The following CACYBP variants were observed in gnomAD, a reference collection of about 807,000 sequenced individuals.
CACYBP encodes the protein calcyclin binding protein.
A neutral mutation model predicts 29.6 loss-of-function variants in CACYBP; 11 were observed. The ratio of observed to expected loss-of-function variants is 0.37; its 90% CI spans 0.23 to 0.61. The LOEUF is 0.61. CACYBP is among the 20% of genes least tolerant of loss of function. CACYBP has a pLI of 0.65. For missense variants in CACYBP, 163 were observed against 260.7 expected (o/e 0.63, Z 2.58); for synonymous variants, 73 against 88.3 (o/e 0.83, Z 0.97).
At chr1:175,004,553 C>A in intron 1 of CACYBP, 61 bp from the exon 2 acceptor site, 2 of 988,454 alleles carry the variant, frequency 2.0e-6, no homozygotes, top group Non-Finnish European at 3.0e-6. Context: ...ATGAGTGATA[C>A]GCACAATATC....
intron 1 of CACYBP, among the ~76,000 whole-genome samples, chr1:175,003,327 C>G (rs1398070347): frequency 6.6e-6 from 1 of 152,104 alleles, no homozygotes; most frequent in Non-Finnish European, 1.5e-5. Flanking sequence ...CCGTGTTGGT[C>G]ATGTTGGTCT....
At chr1:175,008,803 C>A in intron 5 of CACYBP, 97 bp downstream of exon 5, 2 of 707,380 alleles carry the variant, frequency 2.8e-6, no homozygotes, top group South Asian at 1.6e-5. Flanking sequence ...TTTCTGCTTT[C>A]AACTGTCAAA....
upstream of CACYBP, chr1:174,999,513 T>C (rs1183721222): frequency 3.2e-5 from 5 of 156,990 alleles, no homozygotes; most frequent in Non-Finnish European, 2.8e-5. Context: ...ACGCTTAACA[T>C]ATCCGTTCTT....
chr1:175,006,168 G>A (rs895844269), intron 2 of CACYBP, among the ~76,000 whole-genome samples: 1 of 152,154 alleles, frequency 6.6e-6, no homozygotes, highest in Non-Finnish European at 1.5e-5. Context: ...GGTCAGAGAC[G>A]TGCTGGTAGT....
intron 2 of CACYBP, among the ~76,000 whole-genome samples, chr1:175,005,961 G>A (rs1361680432): frequency 6.6e-6 from 1 of 152,138 alleles, no homozygotes; most frequent in Admixed American, 6.5e-5. Context: ...ATATAGGCAT[G>A]CAATGTGAAA....
In CACYBP at chr1:175,006,755, G is replaced by A. The variant is rs774945166; in HGVS notation, c.246G>A (p.Gln82=). The stretch of plus-strand genomic sequence containing the variant: ...TGTTGTCGTTGCCAGGATGGGATCA[G>A]TCAGATAAGTTTGTGAAAATCTACA... The part of the protein sequence containing the change: ...TVKISNYGWD[Q]SDKFVKIYIT... Residue 82 remains glutamine (Q), a synonymous_variant, in exon 3 of 6, where the codon CAG becomes CAA. Transcript: ENST00000367679. The A allele has an allele frequency of 1.3e-6, 2 of 1,586,680 alleles. No individual in the cohort carries two copies. Among genetic ancestry groups the A allele is most frequent in the South Asian group, 1.1e-5 (1 of 90,374 alleles).
Position 175,000,068 on chromosome 1 carries a change from C to A in CACYBP, c.-113C>A. ...GGGTCGGTGTGGGCGCAGGCTGCAG[C>A]GCCGCGACTCGTGCGGGTAGGCGTC... On this transcript the variant is annotated 5_prime_UTR_variant, in exon 1 of 6. Transcript: ENST00000367679. 7.0e-7 allele frequency: 1 copy of A among 1,424,946 alleles called. No individual in the cohort carries two copies. The highest frequency in any genetic ancestry group is 9.7e-7 in the Non-Finnish European group (1 of 1,034,028). The allele number at this position is 1,424,946 out of a possible 1,614,324, so 88.3% of individuals were successfully genotyped here.
upstream of CACYBP, chr1:174,999,859 C>T (rs1306126017): frequency 1.7e-5 from 8 of 473,340 alleles, no homozygotes; most frequent in Non-Finnish European, 2.6e-5. Context: ...CTAGGAGATT[C>T]GGCAGGCGGG....
intron 1 of CACYBP, chr1:175,000,622 T>G (rs1672452126): frequency 9.5e-7 from 1 of 1,049,120 alleles, no homozygotes; most frequent in Non-Finnish European, 1.2e-6. Context: ...TGCTAGCACT[T>G]GAATTCTCCT....
intron 1 of CACYBP, among the ~76,000 whole-genome samples, chr1:175,001,058 T>A (rs1338101584): frequency 6.6e-6 from 1 of 152,192 alleles, no homozygotes; most frequent in Non-Finnish European, 1.5e-5. Flanking sequence ...AGTCCCAAGC[T>A]TTTGTTTTGT....
chr1:175,009,280 T>C (rs1672688797), intron 5 of CACYBP, among the ~76,000 whole-genome samples: 1 of 152,186 alleles, frequency 6.6e-6, no homozygotes, highest in Admixed American at 6.5e-5. Context: ...GTGTTTTTTT[T>C]CAAATTATGA....
chr1:175,007,896 A>G (rs746491078), intron 4 of CACYBP, among the ~76,000 whole-genome samples: 4 of 152,226 alleles, frequency 2.6e-5, no homozygotes, highest in Non-Finnish European at 4.4e-5. Context: ...ATGTGAATAA[A>G]TGAAGTTTAA....
chr1:175,006,107 AT>A (rs1382329741), intron 2 of CACYBP, among the ~76,000 whole-genome samples: 1 of 152,168 alleles, frequency 6.6e-6, no homozygotes, highest in African/African-American at 2.4e-5. Flanking sequence ...ATGTGATGGT[AT>A]TTTGTGAAGT....
In CACYBP at chr1:175,011,279, G is replaced by GTAA. The variant is rs1402272536; in HGVS notation, c.*1202_*1204dup. Reference sequence around the variant, plus strand: ...AAATACTGAAACACATTATGCCTCTGTAATTGGGGTTGACACATGAACAGA... The same window carrying GTAA: ...AAATACTGAAACACATTATGCCTCTGTAATAATTGGGGTTGACACATGAACAGA... On this transcript the variant is annotated 3_prime_UTR_variant, in exon 6 of 6. Coordinates refer to ENST00000367679, the MANE Select transcript of CACYBP (RefSeq NM_014412.3). 1 of 152,114 alleles carries GTAA rather than the reference G, an allele frequency of 6.6e-6. No individual in the cohort carries two copies. Among genetic ancestry groups the GTAA allele is most frequent in the Non-Finnish European group, 1.5e-5 (1 of 68,036 alleles). The allele number at this position is 152,114 out of a possible 1,614,324, so 9.4% of individuals were successfully genotyped here.
chr1:175,000,082 C>A lies in CACYBP; in HGVS notation c.-99C>A, dbSNP rs915049676. The A allele has an allele frequency of 6.7e-7, 1 of 1,486,612 alleles. No homozygotes were observed. The highest frequency in any genetic ancestry group is 9.2e-7 in the Non-Finnish European group (1 of 1,088,758). 92.1% of individuals were successfully genotyped at this position (1,486,612 alleles called of 1,614,324 possible). A position where few individuals can be genotyped will look rare whatever the true frequency, so the allele number is the denominator to read the frequency against. ...GCAGGCTGCAGCGCCGCGACTCGTG[C>A]GGGTAGGCGTCTGCGCTCGGTTTGA... On this transcript the variant is annotated 5_prime_UTR_variant, in exon 1 of 6. Transcript: ENST00000367679.
chr1:175,006,611 T>C (rs1248885032), intron 2 of CACYBP, 134 bp from the exon 3 acceptor site: 5 of 546,698 alleles, frequency 9.1e-6, no homozygotes, highest in Non-Finnish European at 1.6e-5. Flanking sequence ...ATTTCTTATA[T>C]TTCAAATTTT....
chr1:175,010,116 G>A lies in CACYBP; in HGVS notation c.*37G>A. On this transcript the variant is annotated 3_prime_UTR_variant, in exon 6 of 6. Transcript: ENST00000367679. ...CGTTTTGGGAACTGTGATGTGATGT[G>A]GAAATACTGATGTTTCCAGTAAGGG... 1.9e-6 allele frequency: 3 copies of A among 1,570,266 alleles called. No homozygotes were observed. Among genetic ancestry groups the A allele is most frequent in the Non-Finnish European group, 2.6e-6 (3 of 1,148,874 alleles).
Position 175,006,852 on chromosome 1 carries a change from AT to A in CACYBP, c.332+13del. On this transcript the variant is annotated intron_variant, in intron 3 of 5. Coordinates refer to ENST00000367679, the MANE Select transcript of CACYBP (RefSeq NM_014412.3). ...GCATTTCACAGAGAGGTGAGTTCTC[AT>A]TATAATGGGAAAGACAGTGAATTAA... 1.4e-6 allele frequency: 2 copies of A among 1,408,024 alleles called. No individual in the cohort carries two copies. The highest frequency in any genetic ancestry group is 2.0e-6 in the Non-Finnish European group (2 of 992,918). The allele number at this position is 1,408,024 out of a possible 1,614,324, so 87.2% of individuals were successfully genotyped here.
At chr1:175,000,674 G>T in intron 1 of CACYBP, 1 of 940,442 alleles carries the variant, frequency 1.1e-6, no homozygotes, top group Non-Finnish European at 1.3e-6. Flanking sequence ...GTTACTCTGG[G>T]CAAGTTGTTT....
Sources: gnomAD v4.1 joint callset for allele counts (sites outside exome capture counted in the v4.1 genomes callset) on GRCh38, gnomAD v4.1.1 for gene constraint, MANE v1.5 for transcripts, NCBI Gene and HGNC (gene_info 2026-07-23, HGNC 2026-07-21) for gene names.